Variants in ATP9B observed in about 807,000 individuals in gnomAD.
ATP9B encodes the protein probable phospholipid-transporting ATPase IIB.
ATP9B carries 110 observed loss-of-function variants against 146.1 expected under a neutral mutation model. The ratio of observed to expected loss-of-function variants is 0.75; its 90% CI spans 0.65 to 0.88. ATP9B has a LOEUF of 0.88. ATP9B is among the 40% of genes least tolerant of loss of function. The probability of loss-of-function intolerance (pLI) is 0.00; values close to 1 mark genes in which losing one functional copy is unlikely to be tolerated. For missense variants in ATP9B, 1,499 were observed against 1,496.4 expected (o/e 1.00, Z -0.03); for synonymous variants, 604 against 569.7 (o/e 1.06, Z -0.86).
At chr18:79,252,427 C>T (rs1281221048) in intron 11 of ATP9B, among the ~76,000 whole-genome samples, 3 of 74,208 alleles carry the variant, frequency 4.0e-5, no homozygotes, top group Non-Finnish European at 8.2e-5. Context: ...GCCGAGTTCC[C>T]TCTCATTCCC....
intron 11 of ATP9B, among the ~76,000 whole-genome samples, chr18:79,232,237 A>G (rs2095799817): frequency 6.6e-6 from 1 of 152,240 alleles, no homozygotes. Context: ...TGTGAAGGGT[A>G]GAGTGCAGGG....
chr18:79,163,024 A>G (rs2094907472), intron 7 of ATP9B, among the ~76,000 whole-genome samples: 1 of 152,252 alleles, frequency 6.6e-6, no homozygotes, highest in African/African-American at 2.4e-5. Flanking sequence ...GCAGTCTGTA[A>G]TAGGATATAA....
rs755847576 is a variant in ATP9B, at chr18:79,307,070, G to A, written c.1609G>A (p.Val537Ile). The A allele has an allele frequency of 8.7e-6, 14 of 1,614,220 alleles. No individual in the cohort carries two copies. In the East Asian group the frequency reaches 8.9e-5, roughly 10 times the overall value. ...TTCAGCTCCCAAAGTTAGGAAAAGT[G>A]TCAGTAGTCGAATCCATGAAGCCGT... is the stretch of plus-strand genomic sequence containing the variant. ...QSSAPKVRKS[V>I]SSRIHEAVKA... The change falls in exon 15 of 30, where the codon GTC becomes ATC. Residue 537 changes from valine to isoleucine, a missense_variant. Physicochemically the swap from Val to Ile is conservative, Grantham distance 29. Transcript: ENST00000426216.
At chr18:79,279,190 T>G (rs2096349169) in intron 13 of ATP9B, among the ~76,000 whole-genome samples, 1 of 152,066 alleles carries the variant, frequency 6.6e-6, no homozygotes, top group African/African-American at 2.4e-5. Flanking sequence ...GAGAGGCTTT[T>G]GGGGAGAAGC....
chr18:79,327,708 C>CCG (rs2096762634), intron 15 of ATP9B, among the ~76,000 whole-genome samples: 1 of 143,490 alleles, frequency 7.0e-6, no homozygotes. Flanking sequence ...AGTGTGCTCT[C>CCG]TCCATGGTTA....
intron 9 of ATP9B, among the ~76,000 whole-genome samples, chr18:79,197,871 G>C (rs2095431043): frequency 1.3e-5 from 2 of 152,072 alleles, no homozygotes; most frequent in Non-Finnish European, 2.9e-5. Context: ...AGAACTAATA[G>C]GCAACATAAA....
chr18:79,176,872 G>A lies in ATP9B; in HGVS notation c.838G>A (p.Ala280Thr), dbSNP rs1026535229. 3 of 1,614,140 alleles carry A rather than the reference G, an allele frequency of 1.9e-6. No homozygotes were observed. The highest frequency in any genetic ancestry group is 2.5e-6 in the Non-Finnish European group (3 of 1,180,008). ...TGAAACTGACTGGAAGCTGAAGGTG[G>A]CAGTGAGCTGCACGCAACAGCTGCC... ...DGETDWKLKV[A>T]VSCTQQLPAL... The change falls in exon 8 of 30, where the codon GCA (alanine) becomes ACA (threonine). Residue 280 changes from alanine to threonine, a missense_variant. Ala to Thr is a moderately conservative substitution (Grantham distance 58). Coordinates refer to ENST00000426216, the MANE Select transcript of ATP9B (RefSeq NM_198531.5).
intron 13 of ATP9B, among the ~76,000 whole-genome samples, chr18:79,286,556 A>G (rs2096444509): frequency 6.6e-6 from 1 of 152,282 alleles, no homozygotes; most frequent in East Asian, 1.9e-4. Context: ...CAATCATGTC[A>G]TCTGCAAACA....
chr18:79,319,383 T>A (rs949520407), intron 15 of ATP9B, among the ~76,000 whole-genome samples: 1 of 151,186 alleles, frequency 6.6e-6, no homozygotes, highest in African/African-American at 2.4e-5. Context: ...TCCTGGCTAA[T>A]GTGAGTGAAT....
intron 13 of ATP9B, among the ~76,000 whole-genome samples, chr18:79,280,767 G>A (rs2096367914): frequency 6.6e-6 from 1 of 151,474 alleles, no homozygotes; most frequent in Non-Finnish European, 1.5e-5. Context: ...AAATTTTAAA[G>A]AGTGGATATT....
chr18:79,150,881 AG>A (rs1568282338), intron 6 of ATP9B, among the ~76,000 whole-genome samples: 1 of 152,092 alleles, frequency 6.6e-6, no homozygotes, highest in Non-Finnish European at 1.5e-5. Flanking sequence ...AGGCTTAGGG[AG>A]GAGGATTGCT....
At chr18:79,148,935 CAG>C (rs1439818801) in intron 6 of ATP9B, among the ~76,000 whole-genome samples, 1 of 151,970 alleles carries the variant, frequency 6.6e-6, no homozygotes, top group Non-Finnish European at 1.5e-5. Flanking sequence ...AATGTGGGCA[CAG>C]AAATTAAAAA....
intron 11 of ATP9B, among the ~76,000 whole-genome samples, chr18:79,245,919 CTG>C (rs1448990319): frequency 1.5e-4 from 18 of 117,060 alleles, no homozygotes; most frequent in Admixed American, 4.2e-4. Context: ...GCCCTACTGA[CTG>C]TGCGGAGGGC....
chr18:79,329,048 G>A, intron 15 of ATP9B, 93 bp from the exon 16 acceptor site: 1 of 1,320,618 alleles, frequency 7.6e-7, no homozygotes, highest in South Asian at 2.0e-5. Flanking sequence ...GCTGTCTCAT[G>A]TTGGCAAGCT....
In ATP9B at chr18:79,112,113, C is replaced by T. The variant is rs148886134; in HGVS notation, c.445-1128C>T. On this transcript the variant is annotated intron_variant, in intron 3 of 29. Coordinates refer to ENST00000426216, the MANE Select transcript of ATP9B (RefSeq NM_198531.5). The stretch of plus-strand genomic sequence containing the variant: ...ACTGATTTTGAGTCCCACACATTGC[C>T]GTATGATGATGCAGATAACCTCATT... Among the ~76,000 whole-genome samples the T allele has an allele frequency of 1.3e-3, 203 of 152,190 alleles. 1 individual carries two copies. Among genetic ancestry groups the T allele is most frequent in the African/African-American group, 4.6e-3 (191 of 41,516 alleles).
chr18:79,196,571 G>C (rs983773147), intron 9 of ATP9B, among the ~76,000 whole-genome samples: 1 of 152,220 alleles, frequency 6.6e-6, no homozygotes, highest in African/African-American at 2.4e-5. Context: ...AGCAAGGAGA[G>C]TAGGATGAAG....
chr18:79,255,748 CGT>C (rs2064661444), intron 12 of ATP9B, among the ~76,000 whole-genome samples: 1 of 152,114 alleles, frequency 6.6e-6, no homozygotes, highest in African/African-American at 2.4e-5. Context: ...AGTAGCTCCA[CGT>C]AAGGCACATA....
intron 11 of ATP9B, among the ~76,000 whole-genome samples, chr18:79,249,631 TAA>T (rs1344535763): frequency 6.6e-6 from 1 of 152,238 alleles, no homozygotes; most frequent in Non-Finnish European, 1.5e-5. Flanking sequence ...ACATCAAAAC[TAA>T]AGTTACCACC....
intron 8 of ATP9B, among the ~76,000 whole-genome samples, chr18:79,180,435 C>T (rs1431814748): frequency 1.3e-5 from 2 of 152,318 alleles, no homozygotes; most frequent in East Asian, 1.9e-4. Context: ...CTCCATGTCA[C>T]TTACAGTGTA....
Sources: gnomAD v4.1 joint callset for allele counts (sites outside exome capture counted in the v4.1 genomes callset) on GRCh38, gnomAD v4.1.1 for gene constraint, MANE v1.5 for transcripts, NCBI Gene and HGNC (gene_info 2026-07-23, HGNC 2026-07-21) for gene names.